The following GOLT1B variants were observed in gnomAD, a reference collection of about 807,000 sequenced individuals.
GOLT1B encodes golgi transport 1B.
Under a neutral mutation model 15.4 loss-of-function variants are expected in GOLT1B, and 3 were observed. The ratio of observed to expected loss-of-function variants is 0.19; its 90% CI spans 0.09 to 0.50. GOLT1B has a LOEUF of 0.50. Ranked by LOEUF, GOLT1B falls within the 20% of genes least tolerant of loss-of-function variation. GOLT1B has a pLI of 0.97. For missense variants in GOLT1B, 145 were observed against 160.4 expected, an observed-to-expected ratio of 0.90 and a Z score of 0.52; for synonymous variants, 65 against 56.2, an observed-to-expected ratio of 1.16 and a Z score of -0.70.
chr12:21,503,232 G>A (rs1047371421), intron 1 of GOLT1B, among the ~76,000 whole-genome samples: 2 of 152,204 alleles, frequency 1.3e-5, no homozygotes, highest in Non-Finnish European at 2.9e-5. Context: ...AGTTAACCAT[G>A]TGCTTTCATG....
At chr12:21,507,781 T>C (rs1273776848) in intron 2 of GOLT1B, among the ~76,000 whole-genome samples, 1 of 152,186 alleles carries the variant, frequency 6.6e-6, no homozygotes, top group Admixed American at 6.6e-5. Flanking sequence ...CCATCACCAT[T>C]TCTTGTCCAC....
intron 1 of GOLT1B, among the ~76,000 whole-genome samples, chr12:21,505,730 C>T (rs1420634249): frequency 2.0e-5 from 3 of 152,064 alleles, no homozygotes; most frequent in African/African-American, 7.2e-5. Flanking sequence ...AAAAGTTAAG[C>T]AATAGATCAG....
intron 1 of GOLT1B, among the ~76,000 whole-genome samples, chr12:21,505,807 G>C (rs1270541085): frequency 1.3e-5 from 2 of 152,098 alleles, no homozygotes; most frequent in African/African-American, 4.8e-5. Context: ...TGACTCATCT[G>C]TATGCAGATT....
chr12:21,512,335 C>A lies in GOLT1B; in HGVS notation c.337C>A (p.Pro113Thr). The change falls in exon 4 of 5, where the codon CCA becomes ACA. Residue 113 changes from proline to threonine, a missense_variant. By Grantham distance (38) the Pro-to-Thr change is conservative. Transcript: ENST00000229314. ...PVVVGFIRRV[P>T]VLGSLLNLPG... ...CGTTGTTGGCTTTATTAGAAGAGTG[C>A]CAGTCCTTGGATCCCTCCTAAATTT... 6.3e-7 allele frequency: 1 copy of A among 1,580,396 alleles called. No individual in the cohort carries two copies. The highest frequency in any genetic ancestry group is 8.7e-7 in the Non-Finnish European group (1 of 1,149,786).
intron 1 of GOLT1B, among the ~76,000 whole-genome samples, chr12:21,502,670 C>T (rs2136799372): frequency 6.6e-6 from 1 of 152,278 alleles, no homozygotes; most frequent in South Asian, 2.1e-4. Context: ...AGGCCTATTT[C>T]ATCTCTAAAG....
chr12:21,512,391 A>C lies in GOLT1B; in HGVS notation c.378+15A>C. Reference sequence around the variant, plus strand: ...GAATTAGATCAGTAAGTAATCATGTATATTTTAGGCCAACAAAATACGTAT... The same window carrying C: ...GAATTAGATCAGTAAGTAATCATGTCTATTTTAGGCCAACAAAATACGTAT... On this transcript the variant is annotated intron_variant, in intron 4 of 4. Transcript: ENST00000229314. 3 of 1,181,210 alleles carry C rather than the reference A, an allele frequency of 2.5e-6. No individual in the cohort carries two copies. Among genetic ancestry groups the C allele is most frequent in the Non-Finnish European group, 3.8e-6 (3 of 790,240 alleles). The allele number at this position is 1,181,210 out of a possible 1,614,324, so 73.2% of individuals were successfully genotyped here.
intron 4 of GOLT1B, 79 bp from the exon 5 acceptor site, chr12:21,515,590 A>G (rs570197943): frequency 2.5e-6 from 2 of 785,958 alleles, no homozygotes; most frequent in Admixed American, 2.3e-5. Context: ...GGTTTTTAAA[A>G]TCAACATTTT....
At chr12:21,511,549 G>C (rs1475104291) in intron 3 of GOLT1B, among the ~76,000 whole-genome samples, 1 of 152,120 alleles carries the variant, frequency 6.6e-6, no homozygotes, top group Non-Finnish European at 1.5e-5. Context: ...TCTTGCCTTG[G>C]TCTTTCTGGT....
rs1246595964 is a variant in GOLT1B, at chr12:21,517,083, C to G, written c.*1376C>G. On this transcript the variant is annotated 3_prime_UTR_variant, in exon 5 of 5. Coordinates refer to ENST00000229314, the MANE Select transcript of GOLT1B (RefSeq NM_016072.5). ...CACTGTTTTGTTTTTTTAACAGTTG[C>G]AAAGCTTTTTAATGCATAAAAGTAT... 3.9e-5 allele frequency: 6 copies of G among 152,338 alleles called. No homozygotes were observed. 9.4% of individuals were successfully genotyped at this position (152,338 alleles called of 1,614,324 possible).
chr12:21,505,211 T>C (rs1218922105), intron 1 of GOLT1B, among the ~76,000 whole-genome samples: 3 of 152,228 alleles, frequency 2.0e-5, no homozygotes, highest in Admixed American at 1.3e-4. Context: ...AGTAGGTGTC[T>C]TTCCATATAC....
At chr12:21,506,752 A>C (rs957721886) in intron 1 of GOLT1B, 133 bp from the exon 2 acceptor site, 6 of 476,456 alleles carry the variant, frequency 1.3e-5, no homozygotes, top group African/African-American at 1.2e-4. Flanking sequence ...TGTCATTATG[A>C]AGTTAACCTG....
chr12:21,509,806 A>T (rs924398539), intron 3 of GOLT1B, among the ~76,000 whole-genome samples: 2 of 152,224 alleles, frequency 1.3e-5, no homozygotes, highest in Non-Finnish European at 2.9e-5. Flanking sequence ...AAAAACACAC[A>T]GCTTGTTCTG....
intron 4 of GOLT1B, among the ~76,000 whole-genome samples, chr12:21,513,693 A>G (rs1274534576): frequency 1.3e-5 from 2 of 152,016 alleles, no homozygotes; most frequent in African/African-American, 4.8e-5. Context: ...GCACTTTGGG[A>G]GGCCAAGGTG....
chr12:21,501,982 C>A lies in GOLT1B; in HGVS notation c.25+34C>A. 2 of 1,525,236 alleles carry A rather than the reference C, an allele frequency of 1.3e-6. 1 individual carries two copies. The highest frequency in any genetic ancestry group is 2.2e-5 in the South Asian group (2 of 89,070). The allele number at this position is 1,525,236 out of a possible 1,614,324, so 94.5% of individuals were successfully genotyped here. A position where few individuals can be genotyped will look rare whatever the true frequency, so the allele number is the denominator to read the frequency against. On this transcript the variant is annotated intron_variant, in intron 1 of 4. Coordinates refer to ENST00000229314, the MANE Select transcript of GOLT1B (RefSeq NM_016072.5). Reference sequence around the variant, plus strand: ...CTGCTCCGGGGCCCCCGCCTCGAGCCGCGCACACCCATCGCCCGGCTGGGT... The same window carrying A: ...CTGCTCCGGGGCCCCCGCCTCGAGCAGCGCACACCCATCGCCCGGCTGGGT...
At chr12:21,503,081 G>A (rs1402866899) in intron 1 of GOLT1B, among the ~76,000 whole-genome samples, 1 of 152,304 alleles carries the variant, frequency 6.6e-6, no homozygotes, top group African/African-American at 2.4e-5. Context: ...GCCTCTTGGG[G>A]CCACCTGCCC....
intron 1 of GOLT1B, among the ~76,000 whole-genome samples, chr12:21,505,020 C>T (rs77480885): frequency 1.3e-5 from 2 of 152,064 alleles, no homozygotes; most frequent in African/African-American, 2.4e-5. Context: ...GACCTTGGTT[C>T]GAATGCTTAT....
chr12:21,504,181 T>C (rs1004330510), intron 1 of GOLT1B, among the ~76,000 whole-genome samples: 1 of 152,226 alleles, frequency 6.6e-6, no homozygotes, highest in African/African-American at 2.4e-5. Flanking sequence ...ATTAAATTGT[T>C]TTTATATTTT....
rs1329382712 is a variant in GOLT1B at position 21,515,830 on chromosome 12, C to T, written c.*123C>T. On this transcript the variant is annotated 3_prime_UTR_variant, in exon 5 of 5. Coordinates refer to ENST00000229314, the MANE Select transcript of GOLT1B (RefSeq NM_016072.5). ...TAATGTTCTTTACAGGAGTTTAAAA[C>T]GTATAGCCTACAAAGTACCAGCAGC... 3 of 573,938 alleles carry T rather than the reference C, an allele frequency of 5.2e-6. No individual in the cohort carries two copies. Among genetic ancestry groups the T allele is most frequent in the Admixed American group, 3.3e-5 (1 of 30,144 alleles). The allele number at this position is 573,938 out of a possible 1,614,324, so 35.6% of individuals were successfully genotyped here. A position where few individuals can be genotyped will look rare whatever the true frequency, so the allele number is the denominator to read the frequency against.
Position 21,501,848 on chromosome 12 carries a change from G to T in GOLT1B, c.-76G>T. ...CGGCTCTCGCCTGGGCTGTTTCCCG[G>T]CTTCATTTCTCCCGACTCAGCTTCC... On this transcript the variant is annotated 5_prime_UTR_variant, in exon 1 of 5. Transcript: ENST00000229314. 9.7e-7 allele frequency: 1 copy of T among 1,035,324 alleles called. No homozygotes were observed. Among genetic ancestry groups the T allele is most frequent in the African/African-American group, 1.5e-5 (1 of 65,716 alleles). The allele number at this position is 1,035,324 out of a possible 1,614,324, so 64.1% of individuals were successfully genotyped here.
Sources: allele counts gnomAD v4.1 joint callset (sites outside exome capture counted in the v4.1 genomes callset), GRCh38; gene constraint gnomAD v4.1.1; transcripts MANE v1.5; gene names NCBI Gene and HGNC (gene_info 2026-07-23, HGNC 2026-07-21).